HDAC9: variants seen among roughly 807,000 people sequenced by gnomAD.
HDAC9 encodes the protein MEF-2 interacting transcription repressor (MITR) protein.
A neutral mutation model predicts 139.4 loss-of-function variants in HDAC9; 41 were observed. The ratio of observed to expected loss-of-function variants is 0.29; its 90% CI spans 0.23 to 0.38. The LOEUF is 0.38. Ranked by LOEUF, HDAC9 falls within the 10% of genes least tolerant of loss-of-function variation. HDAC9 has a pLI of 1.00. For synonymous variants in HDAC9, 517 were observed against 476.2 expected, an observed-to-expected ratio of 1.09 and a Z score of -1.12; for missense variants, 1,147 against 1,297.0, an observed-to-expected ratio of 0.88 and a Z score of 1.78.
intron 1 of HDAC9, among the ~76,000 whole-genome samples, chr7:18,420,063 C>T (rs1220035427): frequency 6.6e-6 from 1 of 152,022 alleles, no homozygotes; most frequent in South Asian, 2.1e-4. Flanking sequence ...GAAAGAGAAG[C>T]GGACCTGTGT....
chr7:18,635,804 T>C (rs1783705374), intron 8 of HDAC9, among the ~76,000 whole-genome samples: 1 of 152,080 alleles, frequency 6.6e-6, no homozygotes, highest in Admixed American at 6.6e-5. Context: ...TTTTCTACCA[T>C]GTGGTTATCC....
intron 2 of HDAC9, among the ~76,000 whole-genome samples, chr7:18,208,994 A>G (rs892392666): frequency 6.6e-6 from 1 of 152,242 alleles, no homozygotes; most frequent in Non-Finnish European, 1.5e-5. Flanking sequence ...CTGAATAAAC[A>G]AAAGTAATTA....
chr7:18,279,718 C>T (rs989060773), intron 2 of HDAC9, among the ~76,000 whole-genome samples: 1 of 152,056 alleles, frequency 6.6e-6, no homozygotes, highest in African/African-American at 2.4e-5. Context: ...CCCCCCTCGA[C>T]CCCCCAAAGT....
chr7:18,937,229 G>C (rs558426414), intron 23 of HDAC9, among the ~76,000 whole-genome samples: 1 of 148,960 alleles, frequency 6.7e-6, no homozygotes, highest in African/African-American at 2.5e-5. Flanking sequence ...TAGTAGAGAC[G>C]GGGTTTCACC....
chr7:18,310,140 T>C (rs1306955136), intron 1 of HDAC9, among the ~76,000 whole-genome samples: 1 of 145,614 alleles, frequency 6.9e-6, no homozygotes, highest in African/African-American at 2.5e-5. Flanking sequence ...GCCTGCCAGA[T>C]TGGAAAGAGG....
At chr7:18,219,762 T>G (rs1312747548) in intron 2 of HDAC9, among the ~76,000 whole-genome samples, 1 of 152,188 alleles carries the variant, frequency 6.6e-6, no homozygotes, top group Non-Finnish European at 1.5e-5. Context: ...CCAAAAAACT[T>G]TATTTTGGTT....
Position 18,634,628 on chromosome 7 carries a change from A to C in HDAC9, c.798A>C (p.Glu266Asp). The change falls in exon 8 of 26, where the codon GAA (glutamate) becomes GAC (aspartate). Residue 266 changes from glutamate (E) to aspartate (D), a missense_variant and splice_region_variant. This residue lies in a region of HDAC9 where 264 missense variants were observed against 273.8 expected (regional missense o/e 0.96). Transcript: ENST00000686413. Reference sequence around the variant, plus strand: ...TTTGTACTTCACAATATTTTTCAGAATCCTCAGTCAGTAGCAGTTCTCCAG... The same window carrying C: ...TTTGTACTTCACAATATTTTTCAGACTCCTCAGTCAGTAGCAGTTCTCCAG... ...SFKKRMFEVTESSVSSSSPGS... is the reference protein window; with the variant it reads ...SFKKRMFEVTDSSVSSSSPGS... 1 of 1,563,432 alleles carries C rather than the reference A, an allele frequency of 6.4e-7. No individual in the cohort carries two copies. The highest frequency in any genetic ancestry group is 8.7e-7 in the Non-Finnish European group (1 of 1,148,586).
At position 18,773,364 on chromosome 7, in the gene HDAC9, T is replaced by TACAC. The variant is rs4043674; in HGVS notation, c.2214+6253_2214+6256dup. 2.5e-3 allele frequency among the ~76,000 whole-genome samples: 354 copies of TACAC among 142,830 alleles called. 2 individuals are homozygous for TACAC. Among genetic ancestry groups the TACAC allele is most frequent in the South Asian group, 7.9e-3 (34 of 4,312 alleles). 93.7% of individuals were successfully genotyped at this position (142,830 alleles called of 152,430 possible). On this transcript the variant is annotated intron_variant, in intron 16 of 25. Coordinates refer to ENST00000686413, the MANE Select transcript of HDAC9 (RefSeq NM_178425.4). ...AGACCTATTTTTTTAAAAAACTGTATACACACACACACACACACACACACA... is the reference window on the plus strand; with the variant it reads ...AGACCTATTTTTTTAAAAAACTGTATACACACACACACACACACACACACACACA...
At chr7:18,224,881 T>C (rs1239977785) in intron 2 of HDAC9, among the ~76,000 whole-genome samples, 1 of 152,040 alleles carries the variant, frequency 6.6e-6, no homozygotes, top group Non-Finnish European at 1.5e-5. Context: ...GAACCTTCCC[T>C]TTGTCCCCCC....
intron 1 of HDAC9, among the ~76,000 whole-genome samples, chr7:18,366,647 A>G (rs2128696363): frequency 6.6e-6 from 1 of 152,224 alleles, no homozygotes; most frequent in South Asian, 2.1e-4. Context: ...ATTTGAGAAT[A>G]TATGACACTG....
At chr7:18,771,537 A>ATG (rs144486840) in intron 16 of HDAC9, among the ~76,000 whole-genome samples, 7,525 of 146,514 alleles carry the variant, frequency 0.051, 265 homozygotes, top group African/African-American at 0.11. Context: ...ATTTACAGAT[A>ATG]TGTGTGTGTG....
At chr7:18,345,138 A>C (rs772428500) in intron 1 of HDAC9, among the ~76,000 whole-genome samples, 1 of 152,064 alleles carries the variant, frequency 6.6e-6, no homozygotes. Flanking sequence ...CCTGAGAGGT[A>C]TGACAGGTAA....
At chr7:18,323,007 G>T (rs1343510234) in intron 1 of HDAC9, among the ~76,000 whole-genome samples, 2 of 152,080 alleles carry the variant, frequency 1.3e-5, no homozygotes, top group Admixed American at 6.6e-5. Flanking sequence ...TTACTAAAGG[G>T]TGGATGCCAT....
At chr7:18,577,298 A>C (rs908182261) in intron 2 of HDAC9, among the ~76,000 whole-genome samples, 1 of 152,142 alleles carries the variant, frequency 6.6e-6, no homozygotes, top group Non-Finnish European at 1.5e-5. Flanking sequence ...GTAGAGTCCA[A>C]TCACAAGTCA....
chr7:18,269,983 T>C lies in HDAC9; in HGVS notation c.25+107634T>C, dbSNP rs372688781. Among the ~76,000 whole-genome samples, 16 of 152,168 alleles carry C rather than the reference T, an allele frequency of 1.1e-4. No homozygotes were observed. The East Asian group carries it at 1.9e-3, about 18-fold the overall frequency. On this transcript the variant is annotated intron_variant, in intron 2 of 12. Coordinates refer to the HDAC9 transcript ENST00000417496. Reference sequence around the variant, plus strand: ...TTTCTCAACCTCAGCACTACTGATATATTGGGCTGGATAATTCTTTGTTGT... The same window carrying C: ...TTTCTCAACCTCAGCACTACTGATACATTGGGCTGGATAATTCTTTGTTGT...
chr7:18,391,412 A>G (rs1786479003), intron 1 of HDAC9, among the ~76,000 whole-genome samples: 1 of 152,072 alleles, frequency 6.6e-6, no homozygotes, highest in Non-Finnish European at 1.5e-5. Context: ...AAAGTAAAAA[A>G]GAAGAGAGAA....
intron 24 of HDAC9, among the ~76,000 whole-genome samples, chr7:18,973,247 T>C (rs1784358930): frequency 6.6e-6 from 1 of 151,150 alleles, no homozygotes; most frequent in African/African-American, 2.5e-5. Context: ...TCCTCTAGTC[T>C]TTATAATTTG....
intron 25 of HDAC9, among the ~76,000 whole-genome samples, chr7:18,987,362 AT>A (rs1785450993): frequency 6.6e-6 from 1 of 152,122 alleles, no homozygotes; most frequent in African/African-American, 2.4e-5. Context: ...TATATGCTGG[AT>A]TACATTTATT....
chr7:18,788,770 A>AAG (rs1792043407), intron 16 of HDAC9, among the ~76,000 whole-genome samples: 1 of 148,856 alleles, frequency 6.7e-6, no homozygotes, highest in African/African-American at 2.5e-5. Flanking sequence ...AAAAAAAAAA[A>AAG]GACCCAAATA....
Sources: allele counts gnomAD v4.1 joint callset (sites outside exome capture counted in the v4.1 genomes callset), GRCh38; gene constraint gnomAD v4.1.1; regional missense constraint gnomAD v4.1.1; transcripts MANE v1.5; gene names NCBI Gene and HGNC (gene_info 2026-07-23, HGNC 2026-07-21).